The following PARL variants were observed in gnomAD, a reference collection of about 807,000 sequenced individuals.
The protein encoded by PARL is presenilin-associated rhomboid-like protein, mitochondrial.
A neutral mutation model predicts 51.6 loss-of-function variants in PARL; 44 were observed. The ratio of observed to expected loss-of-function variants is 0.85; its 90% CI spans 0.67 to 1.10. The LOEUF is 1.10. PARL is among the 50% of genes least tolerant of loss of function. The pLI is 0.00. For synonymous variants in PARL, 172 were observed against 164.0 expected, an observed-to-expected ratio of 1.05 and a Z score of -0.37; for missense variants, 441 against 469.5, an observed-to-expected ratio of 0.94 and a Z score of 0.56.
At chr3:183,883,681 G>C in intron 1 of PARL, 3 of 984,936 alleles carry the variant, frequency 3.0e-6, no homozygotes, top group Non-Finnish European at 3.6e-6. Context: ...GTGCCTGACA[G>C]ATCTATGTTA....
intron 3 of PARL, among the ~76,000 whole-genome samples, chr3:183,866,374 C>T (rs1025564075): frequency 2.0e-5 from 3 of 152,148 alleles, no homozygotes; most frequent in African/African-American, 7.2e-5. Flanking sequence ...GGCTTCAAAA[C>T]CTGGGATTAC....
intron 4 of PARL, among the ~76,000 whole-genome samples, chr3:183,848,062 G>GTT (rs1035963167): frequency 6.6e-6 from 1 of 152,114 alleles, no homozygotes; most frequent in Admixed American, 6.5e-5. Flanking sequence ...AAATAACAAA[G>GTT]TAAGGAGCTC....
intron 4 of PARL, 147 bp from the exon 5 acceptor site, chr3:183,844,473 G>C (rs2108617225): frequency 1.5e-6 from 1 of 647,674 alleles, no homozygotes; most frequent in East Asian, 2.8e-5. Context: ...AAAAGCAAGT[G>C]AAATGAATGC....
chr3:183,860,056 GA>G (rs543497141), intron 4 of PARL, among the ~76,000 whole-genome samples: 167 of 129,214 alleles, frequency 1.3e-3, no homozygotes, highest in African/African-American at 1.7e-3. Context: ...AATATAAAAC[GA>G]AAAAAAAAAA....
chr3:183,877,953 G>C (rs571103443), intron 1 of PARL, among the ~76,000 whole-genome samples: 21 of 152,152 alleles, frequency 1.4e-4, no homozygotes, highest in African/African-American at 4.8e-4. Context: ...AGCACACCTG[G>C]CTAATTTTTG....
chr3:183,852,603 T>C (rs1338222446), intron 4 of PARL, among the ~76,000 whole-genome samples: 1 of 152,158 alleles, frequency 6.6e-6, no homozygotes, highest in African/African-American at 2.4e-5. Flanking sequence ...TGTCTGAAAC[T>C]CCTGGCCTCA....
intron 1 of PARL, chr3:183,883,635 G>C (rs987136204): frequency 1.0e-6 from 1 of 985,062 alleles, no homozygotes; most frequent in Admixed American, 6.2e-5. Context: ...ACCTCCATCT[G>C]TCCTCATTTT....
At chr3:183,862,331 T>C (rs1454726082) in intron 4 of PARL, among the ~76,000 whole-genome samples, 3 of 152,206 alleles carry the variant, frequency 2.0e-5, no homozygotes, top group African/African-American at 7.2e-5. Flanking sequence ...CTTTCAAAAG[T>C]TCCTTCTCTG....
intron 1 of PARL, among the ~76,000 whole-genome samples, chr3:183,881,592 C>T (rs1252492403): frequency 1.3e-5 from 2 of 152,100 alleles, no homozygotes; most frequent in Non-Finnish European, 2.9e-5. Flanking sequence ...AGATTCATTC[C>T]ACTTAAAACA....
chr3:183,830,624 C>G lies in PARL; in HGVS notation c.1029-915G>C, dbSNP rs1727827887. Among the ~76,000 whole-genome samples the G allele has an allele frequency of 2.0e-5, 3 of 152,148 alleles. No homozygotes were observed. In the South Asian group the frequency reaches 6.2e-4, roughly 32 times the overall value. On this transcript the variant is annotated intron_variant, in intron 9 of 9. Transcript: ENST00000317096. The stretch of plus-strand genomic sequence containing the variant: ...GATTTCATGTTCCCTGAGGCAGAGA[C>G]CAGATTTTGTTATCTTGCATCGAGC...
At chr3:183,860,911 G>A (rs1329791321) in intron 4 of PARL, among the ~76,000 whole-genome samples, 2 of 151,172 alleles carry the variant, frequency 1.3e-5, no homozygotes, top group African/African-American at 4.9e-5. Flanking sequence ...AGCCTTCCAG[G>A]TTCAAGCAAT....
intron 7 of PARL, among the ~76,000 whole-genome samples, chr3:183,840,153 G>C (rs1186947515): frequency 6.6e-6 from 1 of 152,180 alleles, no homozygotes; most frequent in Non-Finnish European, 1.5e-5. Context: ...CTCACCAGCT[G>C]TTATCCCCAG....
At chr3:183,847,894 G>A (rs1452561689) in intron 4 of PARL, among the ~76,000 whole-genome samples, 1 of 152,156 alleles carries the variant, frequency 6.6e-6, no homozygotes, top group Non-Finnish European at 1.5e-5. Flanking sequence ...AGAAATAGAA[G>A]AGCTTAAGTT....
intron 4 of PARL, 44 bp downstream of exon 4, chr3:183,862,709 T>C: frequency 2.0e-6 from 3 of 1,534,908 alleles, no homozygotes; most frequent in Non-Finnish European, 2.7e-6. Flanking sequence ...TTTGGTTTGA[T>C]TTCTCTTCCC....
At chr3:183,837,046 A>G (rs939145275) in intron 7 of PARL, among the ~76,000 whole-genome samples, 5 of 152,270 alleles carry the variant, frequency 3.3e-5, no homozygotes, top group Middle Eastern at 3.4e-3. Flanking sequence ...TGGGCTCACA[A>G]ACATTTTTCT....
intron 6 of PARL, among the ~76,000 whole-genome samples, chr3:183,841,667 G>A (rs1305480070): frequency 2.0e-5 from 3 of 152,220 alleles, no homozygotes; most frequent in South Asian, 2.1e-4. Context: ...AGAGAGGTAA[G>A]TAAAATTTGA....
chr3:183,846,962 C>T (rs1001159210), intron 4 of PARL, among the ~76,000 whole-genome samples: 1 of 152,214 alleles, frequency 6.6e-6, no homozygotes, highest in Non-Finnish European at 1.5e-5. Context: ...TTCTACTATA[C>T]ATCAAGACAT....
intron 7 of PARL, among the ~76,000 whole-genome samples, chr3:183,839,245 G>T (rs1408871555): frequency 6.6e-6 from 1 of 152,056 alleles, no homozygotes; most frequent in African/African-American, 2.4e-5. Flanking sequence ...TTTCAAAATT[G>T]ACCTTTTTAG....
chr3:183,840,641 C>A lies in PARL; in HGVS notation c.758-1G>T. On this transcript the variant is annotated splice_acceptor_variant, in intron 6 of 9. Transcript: ENST00000317096. LOFTEE classifies it high-confidence loss of function. ...TAACTGACAAAATTGGAAATAACAC[C>A]TGAAAAACAAGTCACATTACAATAA... 6.7e-7 allele frequency: 1 copy of A among 1,493,092 alleles called. No homozygotes were observed. The highest frequency in any genetic ancestry group is 9.3e-7 in the Non-Finnish European group (1 of 1,076,744). 92.5% of individuals were successfully genotyped at this position (1,493,092 alleles called of 1,614,324 possible).
Sources: allele counts gnomAD v4.1 joint callset (sites outside exome capture counted in the v4.1 genomes callset), GRCh38; gene constraint gnomAD v4.1.1; transcripts MANE v1.5; gene names NCBI Gene and HGNC (gene_info 2026-07-23, HGNC 2026-07-21).